TMEM234: variants seen among roughly 807,000 people sequenced by gnomAD.
TMEM234 encodes the protein chromosome 1 open reading frame 91.
A neutral mutation model predicts 17.8 loss-of-function variants in TMEM234; 21 were observed. The observed-to-expected ratio is 1.18, with a 90% CI of 0.84 to 1.70. The LOEUF is 1.70. Ranked by LOEUF, TMEM234 falls within the 40% of genes most tolerant of loss-of-function variation. The probability of loss-of-function intolerance (pLI) is 0.00; values close to 1 mark genes in which losing one functional copy is unlikely to be tolerated. For synonymous variants in TMEM234, 83 were observed against 73.5 expected, an observed-to-expected ratio of 1.13 and a Z score of -0.66; for missense variants, 137 against 166.9, an observed-to-expected ratio of 0.82 and a Z score of 0.99.
downstream of TMEM234, chr1:32,216,044 C>T (rs956334317): frequency 1.8e-5 from 14 of 761,684 alleles, 1 homozygote; most frequent in South Asian, 2.1e-4. Flanking sequence ...CGTTCTCCTG[C>T]TCCTAAACCC....
chr1:32,217,185 T>C, intron 4 of TMEM234, 74 bp downstream of exon 4: 1 of 1,613,328 alleles, frequency 6.2e-7, no homozygotes, highest in Non-Finnish European at 8.5e-7. Context: ...GGGAGATGGG[T>C]TCTGGGAAGG....
In TMEM234 at chr1:32,216,281, C is replaced by A; in HGVS notation, c.*572G>T. The A allele has an allele frequency of 6.7e-7, 1 of 1,485,126 alleles. No homozygotes were observed. Among genetic ancestry groups the A allele is most frequent in the Admixed American group, 2.1e-5 (1 of 47,898 alleles). 92.0% of individuals were successfully genotyped at this position (1,485,126 alleles called of 1,614,324 possible). On this transcript the variant is annotated 3_prime_UTR_variant, in exon 5 of 5. Transcript: ENST00000309777. The stretch of plus-strand genomic sequence containing the variant: ...TGGGGCTGGGGCTCACAGCTCTCTA[C>A]CTGTTTAAGAGGGGCTGGCAGTGAG...
Position 32,217,321 on chromosome 1 carries a change from G to A in TMEM234, c.266C>T (p.Ser89Phe). ...DLTLAVPICN[S>F]LAIIFTLIVG... is the part of the protein sequence containing the mutation. ...AATCAGTGTGAAGATGATAGCCAGA[G>A]AGTTACAGATGGGCACAGCCAGGGT... The change falls in exon 4 of 5, where the codon TCT becomes TTT. Residue 89 changes from serine (S) to phenylalanine (F), a missense_variant. Transcript: ENST00000309777. The A allele has an allele frequency of 1.2e-6, 2 of 1,612,952 alleles. No homozygotes were observed. Among genetic ancestry groups the A allele is most frequent in the South Asian group, 2.2e-5 (2 of 91,028 alleles).
At chr1:32,216,083 G>T, downstream of TMEM234, 2 of 693,058 alleles carry the variant, frequency 2.9e-6, no homozygotes, top group Non-Finnish European at 4.8e-6. Flanking sequence ...CCTCTGAGCA[G>T]AGCAGCCCTG....
At chr1:32,215,054 A>G (rs74342695), downstream of TMEM234, 23 of 267,384 alleles carry the variant, frequency 8.6e-5, no homozygotes, top group East Asian at 1.3e-3. Flanking sequence ...CCGGCACTGG[A>G]AAAAAAAAAA....
At chr1:32,215,865 A>T, downstream of TMEM234, 1 of 1,552,424 alleles carries the variant, frequency 6.4e-7, no homozygotes, top group Non-Finnish European at 8.7e-7. Flanking sequence ...TGGGGCTGCT[A>T]TCTCAGCCTC....
At chr1:32,215,208 A>T, downstream of TMEM234, 1 of 587,988 alleles carries the variant, frequency 1.7e-6, no homozygotes, top group Non-Finnish European at 2.9e-6. Context: ...ATCACATGAA[A>T]AGAAGCACCT....
chr1:32,217,145 T>C, intron 4 of TMEM234, 114 bp downstream of exon 4: 1 of 1,595,420 alleles, frequency 6.3e-7, no homozygotes, highest in Non-Finnish European at 8.5e-7. Flanking sequence ...AAGGGCAGGA[T>C]GGGAAAAGGC....
At chr1:32,215,673 C>A, downstream of TMEM234, 1 of 1,107,250 alleles carries the variant, frequency 9.0e-7, no homozygotes, top group Non-Finnish European at 1.3e-6. Flanking sequence ...AACTTCCTAC[C>A]TTGTTAAATG....
At chr1:32,221,009 A>G in intron 3 of TMEM234, 122 bp downstream of exon 3, 1 of 720,438 alleles carries the variant, frequency 1.4e-6, no homozygotes, top group South Asian at 1.7e-5. Context: ...AGAGGGAACT[A>G]GAGCTAGTCA....
rs755261139 is a variant in TMEM234, at chr1:32,222,349, G to A, written c.-27C>T. 7 of 1,564,278 alleles carry A rather than the reference G, an allele frequency of 4.5e-6. No individual in the cohort carries two copies. The highest frequency in any genetic ancestry group is 1.7e-6 in the Non-Finnish European group (2 of 1,151,520). ...GCAACGCCGCTGTCTTCTACTTCCG[G>A]GAACGAAGGGGCGGAGACCCATAAT... On this transcript the variant is annotated 5_prime_UTR_variant, in exon 1 of 5. Transcript: ENST00000309777.
Position 32,216,240 on chromosome 1 carries a change from G to A in TMEM234, c.*613C>T. 3 of 1,273,338 alleles carry A rather than the reference G, an allele frequency of 2.4e-6. No homozygotes were observed. The highest frequency in any genetic ancestry group is 3.2e-6 in the Non-Finnish European group (3 of 942,840). The allele number at this position is 1,273,338 out of a possible 1,614,324, so 78.9% of individuals were successfully genotyped here. A position where few individuals can be genotyped will look rare whatever the true frequency, so the allele number is the denominator to read the frequency against. ...TTTATTGACAGCTACTACTCGCCAGGTGTGCTGGAGTCAGGTGGGGCTGGG... is the reference window on the plus strand; with the variant it reads ...TTTATTGACAGCTACTACTCGCCAGATGTGCTGGAGTCAGGTGGGGCTGGG... On this transcript the variant is annotated 3_prime_UTR_variant, in exon 5 of 5. Transcript: ENST00000309777.
chr1:32,222,257 T>C, intron 1 of TMEM234, 50 bp downstream of exon 1: 2 of 1,529,230 alleles, frequency 1.3e-6, no homozygotes, highest in Non-Finnish European at 1.8e-6. Flanking sequence ...AGGAAATGAA[T>C]TCGAGGCGAG....
intron 3 of TMEM234, among the ~76,000 whole-genome samples, chr1:32,218,805 G>A (rs186497419): frequency 1.3e-5 from 2 of 152,300 alleles, no homozygotes; most frequent in African/African-American, 2.4e-5. Flanking sequence ...AGGCATGGTG[G>A]TGCATGCCTG....
In TMEM234 at chr1:32,221,951, G is replaced by C; in HGVS notation, c.84C>G (p.Ala28=). The change falls in exon 2 of 5, where the codon GCC becomes GCG. Residue 28 remains alanine, a synonymous_variant. Coordinates refer to ENST00000309777, the MANE Select transcript of TMEM234 (RefSeq NM_019118.5). ...WGGTQPLLKR[A]SAGLQRVHEP... ...CATGAACCCGCTGCAGGCCGGCGGA[G>C]GCCCGCTTCAGCAGCGGCTGCGTGC... 1 of 1,611,884 alleles carries C rather than the reference G, an allele frequency of 6.2e-7. No individual in the cohort carries two copies. Among genetic ancestry groups the C allele is most frequent in the East Asian group, 2.3e-5 (1 of 43,808 alleles).
rs1159611027 is a variant in TMEM234, at chr1:32,216,386, T to C, written c.*467A>G. 5.8e-6 allele frequency: 9 copies of C among 1,551,242 alleles called. No homozygotes were observed. Among genetic ancestry groups the C allele is most frequent in the Non-Finnish European group, 7.8e-6 (9 of 1,146,720 alleles). ...CTGCATCTGCCACTCCGACGCACCTTCTTCCCTCGGTTCCACCCCTCATTC... is the reference window on the plus strand; with the variant it reads ...CTGCATCTGCCACTCCGACGCACCTCCTTCCCTCGGTTCCACCCCTCATTC... On this transcript the variant is annotated 3_prime_UTR_variant, in exon 5 of 5. Transcript: ENST00000309777.
At chr1:32,221,725 T>C in intron 2 of TMEM234, 142 bp downstream of exon 2, 1 of 1,163,764 alleles carries the variant, frequency 8.6e-7, no homozygotes, top group Non-Finnish European at 1.2e-6. Context: ...TTACAGATGA[T>C]GAAACTGAGG....
downstream of TMEM234, chr1:32,214,966 C>A (rs753971673): frequency 6.2e-7 from 1 of 1,612,450 alleles, no homozygotes. Flanking sequence ...CCCTTCTCAG[C>A]TGCCCTTTGA....
At chr1:32,218,382 C>A (rs1304117372) in intron 3 of TMEM234, among the ~76,000 whole-genome samples, 1 of 151,946 alleles carries the variant, frequency 6.6e-6, no homozygotes, top group Non-Finnish European at 1.5e-5. Flanking sequence ...GCCAAGATCA[C>A]ACCACTGTAC....
Sources: gnomAD v4.1 joint callset for allele counts (sites outside exome capture counted in the v4.1 genomes callset) on GRCh38, gnomAD v4.1.1 for gene constraint, MANE v1.5 for transcripts, NCBI Gene and HGNC (gene_info 2026-07-23, HGNC 2026-07-21) for gene names.